Variants in CDH2 observed in about 807,000 individuals in gnomAD.
CDH2 encodes the protein cadherin-2.
Under a neutral mutation model 92.0 loss-of-function variants are expected in CDH2, and 17 were observed. The ratio of observed to expected loss-of-function variants is 0.18; its 90% confidence interval spans 0.13 to 0.28. The LOEUF is 0.28. Ranked by LOEUF, CDH2 falls within the 10% of genes least tolerant of loss-of-function variation. The pLI is 1.00. For missense variants in CDH2, 862 were observed against 1,133.1 expected (o/e 0.76, Z 3.44); for synonymous variants, 419 against 415.9 (o/e 1.01, Z -0.09).
At chr18:28,149,215 A>G (rs989819121) in intron 1 of CDH2, among the ~76,000 whole-genome samples, 1 of 152,242 alleles carries the variant, frequency 6.6e-6, no homozygotes, top group African/African-American at 2.4e-5. Flanking sequence ...TGAGTGCTCC[A>G]GTTGACATGT....
intron 2 of CDH2, among the ~76,000 whole-genome samples, chr18:28,120,883 G>A (rs538320411): frequency 2.0e-5 from 3 of 152,058 alleles, no homozygotes; most frequent in African/African-American, 7.2e-5. Context: ...AAACTCTTAG[G>A]TAAGGGTTTC....
intron 2 of CDH2, among the ~76,000 whole-genome samples, chr18:28,085,633 T>A (rs2014912159): frequency 6.6e-6 from 1 of 152,154 alleles, no homozygotes; most frequent in South Asian, 2.1e-4. Flanking sequence ...CATGTTTAAA[T>A]ACCTACTTTG....
intron 4 of CDH2, among the ~76,000 whole-genome samples, chr18:28,010,590 G>A (rs1040861306): frequency 5.9e-5 from 9 of 151,942 alleles, no homozygotes; most frequent in Admixed American, 1.3e-4. Context: ...GGAAGGGGAC[G>A]AAGGGAGGCA....
chr18:27,953,265 C>T (rs1598983274), intron 15 of CDH2, among the ~76,000 whole-genome samples: 1 of 152,218 alleles, frequency 6.6e-6, no homozygotes, highest in Non-Finnish European at 1.5e-5. Context: ...GAAATAACTA[C>T]TATCTATATT....
chr18:28,118,470 G>A (rs2015532200), intron 2 of CDH2, among the ~76,000 whole-genome samples: 1 of 151,992 alleles, frequency 6.6e-6, no homozygotes, highest in African/African-American at 2.4e-5. Context: ...AAATTCCACA[G>A]TTCTCATTAA....
intron 2 of CDH2, among the ~76,000 whole-genome samples, chr18:28,052,665 C>T (rs944269557): frequency 6.6e-6 from 1 of 152,032 alleles, no homozygotes; most frequent in Non-Finnish European, 1.5e-5. Flanking sequence ...TACAAACCAC[C>T]GAAGGACTGG....
At chr18:27,961,996 A>T (rs144115099) in intron 15 of CDH2, among the ~76,000 whole-genome samples, 174 of 152,316 alleles carry the variant, frequency 1.1e-3, no homozygotes, top group African/African-American at 3.9e-3. Context: ...ACCTACAGTC[A>T]GAAGATTCAC....
intron 9 of CDH2, among the ~76,000 whole-genome samples, chr18:27,992,318 C>T (rs11564418): frequency 0.2 from 29,733 of 152,076 alleles, 3,354 homozygotes; most frequent in Non-Finnish European, 0.25. Flanking sequence ...CAGGCCAGTC[C>T]TATCCTCAGA....
intron 2 of CDH2, among the ~76,000 whole-genome samples, chr18:28,064,791 G>A (rs137947188): frequency 0.011 from 1,689 of 151,986 alleles, 13 homozygotes; most frequent in Middle Eastern, 0.017. Context: ...CCCCTTCTTC[G>A]GAGATCTCTT....
At chr18:27,939,908 C>A (rs912344367) in intron 6 of CDH2, among the ~76,000 whole-genome samples, 4 of 152,094 alleles carry the variant, frequency 2.6e-5, no homozygotes, top group African/African-American at 9.7e-5. Context: ...AGGCTAAAAC[C>A]TTCCTAGGGC....
chr18:27,989,977 C>A (rs925218821), intron 10 of CDH2, 120 bp downstream of exon 10: 2 of 804,290 alleles, frequency 2.5e-6, no homozygotes, highest in Admixed American at 5.1e-5. Flanking sequence ...TTTAAATTAT[C>A]TTTTAATAAG....
Position 28,055,975 on chromosome 18 carries a change from T to A in CDH2, c.173-42066A>T, listed in dbSNP as rs181161166. Among the ~76,000 whole-genome samples the A allele has an allele frequency of 2.0e-5, 3 of 152,272 alleles. No homozygotes were observed. The East Asian group carries it at 5.8e-4, about 29-fold the overall frequency. Reference sequence around the variant, plus strand: ...GATTACTAAGAGTTAAATATTCTAATGACTATATGGTAACTGAAACTGGAA... The same window carrying A: ...GATTACTAAGAGTTAAATATTCTAAAGACTATATGGTAACTGAAACTGGAA... On this transcript the variant is annotated intron_variant, in intron 2 of 15. Transcript: ENST00000269141.
At chr18:28,032,859 C>T (rs1333334547) in intron 2 of CDH2, among the ~76,000 whole-genome samples, 1 of 152,030 alleles carries the variant, frequency 6.6e-6, no homozygotes, top group Admixed American at 6.6e-5. Context: ...CTGCCCCACA[C>T]TCAACGAAAA....
intron 7 of CDH2, among the ~76,000 whole-genome samples, chr18:27,999,712 A>G (rs1428816497): frequency 6.6e-6 from 1 of 151,242 alleles, no homozygotes; most frequent in Non-Finnish European, 1.5e-5. Flanking sequence ...ATATGTATAT[A>G]TGTGTGTGTG....
At position 28,011,864 on chromosome 18, in the gene CDH2, A is replaced by G. The variant is rs2013110149; in HGVS notation, c.528T>C (p.Phe176=). ...ACCTTACCCTGACAAGCTCTTGAGG[A>G]AAAGGTCCCCTGGAGTTTTCTGGCA... The part of the protein sequence containing the change: ...INLPENSRGP[F]PQELVRIRSD... Residue 176 remains phenylalanine (F), a synonymous_variant, in exon 4 of 16, where the codon TTT becomes TTC. Coordinates refer to ENST00000269141, the MANE Select transcript of CDH2 (RefSeq NM_001792.5). The G allele has an allele frequency of 1.2e-6, 2 of 1,613,760 alleles. No individual in the cohort carries two copies. The highest frequency in any genetic ancestry group is 1.7e-6 in the Non-Finnish European group (2 of 1,179,680).
At chr18:28,090,509 C>G (rs567170505) in intron 2 of CDH2, among the ~76,000 whole-genome samples, 1 of 152,102 alleles carries the variant, frequency 6.6e-6, no homozygotes, top group African/African-American at 2.4e-5. Context: ...ACAGCTTCTT[C>G]CCCCCAGGCA....
At chr18:28,070,315 A>C (rs2014591553) in intron 2 of CDH2, among the ~76,000 whole-genome samples, 2 of 152,218 alleles carry the variant, frequency 1.3e-5, no homozygotes, top group South Asian at 4.1e-4. Flanking sequence ...CACAGTTATT[A>C]TCTCATCTGA....
intron 2 of CDH2, among the ~76,000 whole-genome samples, chr18:28,145,065 G>A (rs1013671337): frequency 3.3e-5 from 5 of 152,022 alleles, no homozygotes; most frequent in African/African-American, 1.2e-4. Flanking sequence ...TTTTTGCAAA[G>A]ATTATGTTAA....
intron 2 of CDH2, among the ~76,000 whole-genome samples, chr18:28,035,464 AG>A (rs1448610418): frequency 2.0e-5 from 3 of 152,192 alleles, no homozygotes; most frequent in Admixed American, 6.6e-5. Context: ...AAAATTAATG[AG>A]GTTAACCTTC....
Sources: gnomAD v4.1 joint callset for allele counts (sites outside exome capture counted in the v4.1 genomes callset) on GRCh38, gnomAD v4.1.1 for gene constraint, MANE v1.5 for transcripts, NCBI Gene and HGNC (gene_info 2026-07-23, HGNC 2026-07-21) for gene names.